Variants in CHD5 observed in about 807,000 individuals in gnomAD.
The protein encoded by CHD5 is ATP-dependent chromatin remodeler CHD5.
In CHD5, 69 loss-of-function variants were observed where a neutral mutation model predicts 230.3. That is an observed-to-expected ratio of 0.30 (90% CI 0.25 to 0.37). CHD5 has a LOEUF of 0.37. CHD5 is among the 10% of genes least tolerant of loss of function. The pLI, the probability that CHD5 is intolerant of heterozygous loss-of-function variation, is 1.00. For synonymous variants in CHD5, 1,064 were observed against 1,065.9 expected (o/e 1.00, Z 0.03); for missense variants, 1,827 against 2,622.8 (o/e 0.70, Z 6.63).
At position 6,146,599 on chromosome 1, in the gene CHD5, A is replaced by G; in HGVS notation, c.1590+66T>C. On this transcript the variant is annotated intron_variant, in intron 10 of 41. Coordinates refer to ENST00000262450, the MANE Select transcript of CHD5 (RefSeq NM_015557.3). This position sits in a 1 kb window ranked among gnomAD's most constrained non-coding sequence, Gnocchi z 5.1. Reference sequence around the variant, plus strand: ...AGAGGCGCTTCAGCCCCTTCCCGCCAGCCCAGGAGGGTCCAGGGCTCACCA... The same window carrying G: ...AGAGGCGCTTCAGCCCCTTCCCGCCGGCCCAGGAGGGTCCAGGGCTCACCA... 6.4e-7 allele frequency: 1 copy of G among 1,551,122 alleles called. No individual in the cohort carries two copies.
At chr1:6,152,583 C>G (rs1465874107) in intron 5 of CHD5, 47 bp from the exon 6 acceptor site, 2 of 1,609,716 alleles carry the variant, frequency 1.2e-6, no homozygotes, top group African/African-American at 2.7e-5. Flanking sequence ...CCACTGACGG[C>G]CTGCTTCCTG....
chr1:6,134,219 G>A lies in CHD5; in HGVS notation c.3053C>T (p.Ser1018Phe). 1 of 1,613,832 alleles carries A rather than the reference G, an allele frequency of 6.2e-7. No homozygotes were observed. Among genetic ancestry groups the A allele is most frequent in the Non-Finnish European group, 8.5e-7 (1 of 1,180,012 alleles). The change falls in exon 20 of 42, where the codon TCC (serine) becomes TTC (phenylalanine). Residue 1018 changes from serine (S) to phenylalanine (F), a missense_variant. Transcript: ENST00000262450. This position sits in a 1 kb window ranked among gnomAD's most constrained non-coding sequence, Gnocchi z 6.3. ...VLPNGSYDGS[S>F]LVKSSGKLML... ...GAGCTTCCCTGAAGACTTGACCAGGGAGCTTCCATCGTAGGAGCCATTGGG... is the reference window on the plus strand; with the variant it reads ...GAGCTTCCCTGAAGACTTGACCAGGAAGCTTCCATCGTAGGAGCCATTGGG...
chr1:6,123,974 A>G lies in CHD5; in HGVS notation c.4673T>C (p.Leu1558Pro). 1 of 1,595,370 alleles carries G rather than the reference A, an allele frequency of 6.3e-7. No homozygotes were observed. The highest frequency in any genetic ancestry group is 1.8e-5 in the Admixed American group (1 of 56,778). ...TGGCAGGCCCAGCGGGGCTGGCAGG[A>G]GGTGGGCAGGGCTGGCGGGCACTGG... is the stretch of plus-strand genomic sequence containing the variant. ...NTPVPASPAH[L>P]LPAPLGLPDK... Residue 1558 changes from leucine (L) to proline (P), a missense_variant, in exon 31 of 42, where the codon CTC becomes CCC. Coordinates refer to ENST00000262450, the MANE Select transcript of CHD5 (RefSeq NM_015557.3).
chr1:6,139,138 G>A (rs1666789520), intron 15 of CHD5, among the ~76,000 whole-genome samples: 1 of 152,210 alleles, frequency 6.6e-6, no homozygotes, highest in African/African-American at 2.4e-5. Flanking sequence ...AATGGGGACA[G>A]TTTCCACTTT....
intron 9 of CHD5, among the ~76,000 whole-genome samples, chr1:6,147,580 GCTGT>G (rs1666931100): frequency 6.6e-6 from 1 of 152,224 alleles, no homozygotes; most frequent in African/African-American, 2.4e-5. Flanking sequence ...AGGAGGCGGT[GCTGT>G]CTGACTGGAC....
intron 1 of CHD5, among the ~76,000 whole-genome samples, chr1:6,169,741 C>A (rs959480890): frequency 5.3e-5 from 8 of 152,160 alleles, no homozygotes; most frequent in African/African-American, 1.9e-4. Context: ...TAGAAGGGCC[C>A]ACGAGAGAGC....
chr1:6,105,620 G>A lies in CHD5; in HGVS notation c.*47-193C>T, dbSNP rs1297778632. Among the ~76,000 whole-genome samples the A allele has an allele frequency of 1.3e-5, 2 of 152,226 alleles. No individual in the cohort carries two copies. Among genetic ancestry groups the A allele is most frequent in the African/African-American group, 2.4e-5 (1 of 41,442 alleles). On this transcript the variant is annotated intron_variant, in intron 41 of 41. Transcript: ENST00000262450. This position sits in a 1 kb window ranked among gnomAD's most constrained non-coding sequence, Gnocchi z 4.8. ...CACCCAGAGTGCCGAGAGCACCCAG[G>A]AAGCAGCAGTGGGCAGGGGCAGCCA...
Position 6,146,826 on chromosome 1 carries a change from A to C in CHD5, c.1429T>G (p.Trp477Gly). The C allele has an allele frequency of 6.4e-7, 1 of 1,564,636 alleles. No homozygotes were observed. ...GKVQRILHWR[W>G]TEPPAPFMVG... Reference sequence around the variant, plus strand: ...ATGAAGGGGGCAGGGGGCTCCGTCCACCTCCAGTGTAGAATCCGCTGGACT... The same window carrying C: ...ATGAAGGGGGCAGGGGGCTCCGTCCCCCTCCAGTGTAGAATCCGCTGGACT... The change falls in exon 10 of 42, where the codon TGG becomes GGG. Residue 477 changes from tryptophan (W) to glycine (G), a missense_variant. By Grantham distance (184) the Trp-to-Gly change is radical. This residue lies in a region of CHD5 where 657 missense variants were observed against 816.4 expected (regional missense o/e 0.80). Coordinates refer to ENST00000262450, the MANE Select transcript of CHD5 (RefSeq NM_015557.3). The surrounding 1 kb of genome is among the most constrained non-coding windows in gnomAD (Gnocchi z 5.1).
rs1666660437 is a variant in CHD5, at chr1:6,131,697, T to C, written c.3196A>G (p.Lys1066Glu). ...ATGCCACCATCAATCCGCTCATACT[T>C]GTAGCCTTCGTACTCCAGGAAGTCC... ...LEDFLEYEGY[K>E]YERIDGGITG... The change falls in exon 21 of 42, where the codon AAG (lysine) becomes GAG (glutamate). Residue 1066 changes from lysine to glutamate, a missense_variant. By Grantham distance (56) the Lys-to-Glu change is moderately conservative. Transcript: ENST00000262450. The surrounding 1 kb of genome is among the most constrained non-coding windows in gnomAD (Gnocchi z 5.0). 6 of 1,613,780 alleles carry C rather than the reference T, an allele frequency of 3.7e-6. No homozygotes were observed. The highest frequency in any genetic ancestry group is 5.1e-6 in the Non-Finnish European group (6 of 1,179,750).
At chr1:6,150,121 T>G (rs1419001441) in intron 7 of CHD5, among the ~76,000 whole-genome samples, 1 of 150,148 alleles carries the variant, frequency 6.7e-6, no homozygotes, top group African/African-American at 2.5e-5. Context: ...GATGGATAGA[T>G]GAATGAACAA....
chr1:6,123,110 C>T (rs2100840965), intron 31 of CHD5, among the ~76,000 whole-genome samples: 1 of 152,012 alleles, frequency 6.6e-6, no homozygotes, highest in African/African-American at 2.4e-5. Flanking sequence ...AAAACATTAT[C>T]AGCCATAAGG....
rs1666328181 is a variant in CHD5, at chr1:6,113,541, T to C, written c.4913-543A>G. On this transcript the variant is annotated intron_variant, in intron 33 of 41. Transcript: ENST00000262450. ...GGAGCTGGTGTCCAGGGGCCCCAGG[T>C]TGGGGTGATGAGACACCAGGAAGAA... 4 of 257,208 alleles carry C rather than the reference T, an allele frequency of 1.6e-5. No homozygotes were observed. In the East Asian group the frequency reaches 3.0e-4, roughly 19 times the overall value. 15.9% of individuals were successfully genotyped at this position (257,208 alleles called of 1,614,324 possible). A position where few individuals can be genotyped will look rare whatever the true frequency, so the allele number is the denominator to read the frequency against.
intron 17 of CHD5, among the ~76,000 whole-genome samples, chr1:6,135,776 C>T (rs1303409456): frequency 7.2e-5 from 11 of 152,138 alleles, no homozygotes; most frequent in Admixed American, 5.9e-4. Flanking sequence ...TTTGGGAGGC[C>T]GAGACGGGCA....
At chr1:6,148,680 T>C (rs375566339) in intron 9 of CHD5, among the ~76,000 whole-genome samples, 174 bp downstream of exon 9, 18 of 152,094 alleles carry the variant, frequency 1.2e-4, no homozygotes, top group African/African-American at 3.6e-4. Context: ...GCGAGGAAGC[T>C]ATTGTGGACG....
intron 30 of CHD5, 127 bp downstream of exon 30, chr1:6,124,390 G>A: frequency 8.9e-7 from 1 of 1,122,970 alleles, no homozygotes; most frequent in Non-Finnish European, 1.3e-6. Flanking sequence ...CCTCTGGAGT[G>A]ACTCGGACCC....
Position 6,136,809 on chromosome 1 carries a change from A to C in CHD5, c.2493T>G (p.Ile831Met), listed in dbSNP as rs2250358. The change falls in exon 16 of 42, where the codon ATT becomes ATG. Residue 831 changes from isoleucine to methionine, a missense_variant. Around this residue, in one of 14 missense-constraint regions of CHD5, gnomAD observed 80 missense variants for 96.4 expected, o/e 0.83. Transcript: ENST00000262450. ...VLLTSYELIT[I>M]DQAILGSIEW... is the part of the protein sequence containing the mutation. Reference sequence around the variant, plus strand: ...CGATGGAGCCCAGGATGGCCTGGTCAATGGTGATGAGCTCATAGGAGGTGA... The same window carrying C: ...CGATGGAGCCCAGGATGGCCTGGTCCATGGTGATGAGCTCATAGGAGGTGA... 1 of 1,613,304 alleles carries C rather than the reference A, an allele frequency of 6.2e-7. No homozygotes were observed. The highest frequency in any genetic ancestry group is 8.5e-7 in the Non-Finnish European group (1 of 1,179,518).
At chr1:6,149,499 A>G in intron 7 of CHD5, 87 bp from the exon 8 acceptor site, 1 of 1,352,760 alleles carries the variant, frequency 7.4e-7, no homozygotes, top group Non-Finnish European at 1.0e-6. Context: ...AGACAGGCAC[A>G]GAGTAGATGT....
At chr1:6,150,674 G>C (rs1666991513) in intron 7 of CHD5, among the ~76,000 whole-genome samples, 1 of 152,118 alleles carries the variant, frequency 6.6e-6, no homozygotes, top group Non-Finnish European at 1.5e-5. Flanking sequence ...GGTAAAGATG[G>C]GTGTTAAGTG....
intron 20 of CHD5, among the ~76,000 whole-genome samples, chr1:6,132,706 C>T (rs753489793): frequency 2.0e-5 from 3 of 152,158 alleles, no homozygotes; most frequent in Non-Finnish European, 4.4e-5. Context: ...AGAGTCTGTC[C>T]AGTCTGTTGA....
Sources: allele counts gnomAD v4.1 joint callset (sites outside exome capture counted in the v4.1 genomes callset), GRCh38; gene constraint gnomAD v4.1.1; regional missense constraint gnomAD v4.1.1; non-coding constraint Gnocchi (gnomAD v3.1); transcripts MANE v1.5; gene names NCBI Gene and HGNC (gene_info 2026-07-23, HGNC 2026-07-21).